Variants in ENTREP1 observed in about 807,000 individuals in gnomAD.
ENTREP1 encodes the protein Friedreich ataxia region gene X123.
chr9:69,351,556 A>G, the ENTREP1 span, among the ~76,000 whole-genome samples: 1 of 152,194 alleles, frequency 6.6e-6, no homozygotes, highest in Non-Finnish European at 1.5e-5. Flanking sequence ...AGCTGGGACT[A>G]CAGACATGCA....
the ENTREP1 span, chr9:69,383,956 T>C: frequency 6.2e-7 from 1 of 1,613,860 alleles, no homozygotes; most frequent in South Asian, 1.1e-5. Flanking sequence ...GGGATCTTCA[T>C]TCCAAATGTC....
At chr9:69,388,469 TC>T in the ENTREP1 span, 1 of 1,555,720 alleles carries the variant, frequency 6.4e-7, no homozygotes, top group Non-Finnish European at 8.7e-7. Context: ...ATTATTAATC[TC>T]AGGCATGAAT....
chr9:69,383,626 C>A, the ENTREP1 span: 1 of 1,614,022 alleles, frequency 6.2e-7, no homozygotes, highest in Non-Finnish European at 8.5e-7. Flanking sequence ...GTCGCTTTTC[C>A]TAGGATGGTT....
the ENTREP1 span, among the ~76,000 whole-genome samples, chr9:69,362,260 A>G: frequency 6.6e-6 from 1 of 152,180 alleles, no homozygotes; most frequent in Non-Finnish European, 1.5e-5. Flanking sequence ...CCAAGCTGTG[A>G]TAGGCATAAT....
At chr9:69,325,040 G>C in the ENTREP1 span, 3 of 985,390 alleles carry the variant, frequency 3.0e-6, no homozygotes, top group Non-Finnish European at 3.6e-6. Context: ...GGCACAGCGC[G>C]AGCACGGAGT....
the ENTREP1 span, among the ~76,000 whole-genome samples, chr9:69,353,130 C>T: frequency 6.6e-6 from 1 of 152,242 alleles, no homozygotes; most frequent in East Asian, 1.9e-4. Flanking sequence ...GAGTGACACC[C>T]TACCTCTAAG....
the ENTREP1 span, among the ~76,000 whole-genome samples, chr9:69,367,981 ATTTC>A: frequency 6.7e-6 from 1 of 150,006 alleles, no homozygotes; most frequent in Non-Finnish European, 1.5e-5. Context: ...TGCCTTCTTG[ATTTC>A]TTTCTCAATT....
the ENTREP1 span, among the ~76,000 whole-genome samples, chr9:69,375,546 T>A: frequency 6.6e-6 from 1 of 152,184 alleles, no homozygotes; most frequent in Admixed American, 6.5e-5. Flanking sequence ...TCCCTTTGTT[T>A]TGTGAAAGCC....
At chr9:69,389,999 G>C in the ENTREP1 span, among the ~76,000 whole-genome samples, 2 of 152,212 alleles carry the variant, frequency 1.3e-5, no homozygotes, top group African/African-American at 4.8e-5. Context: ...ACCAGAAGGA[G>C]GTAAGGACAG....
the ENTREP1 span, among the ~76,000 whole-genome samples, chr9:69,376,239 A>G: frequency 3.9e-5 from 6 of 152,054 alleles, no homozygotes; most frequent in Non-Finnish European, 8.8e-5. Context: ...TAAGTCGCAC[A>G]CTCGTGTGTC....
the ENTREP1 span, chr9:69,383,132 G>T: frequency 1.0e-6 from 1 of 984,852 alleles, no homozygotes; most frequent in South Asian, 4.7e-5. Flanking sequence ...AGACATAATT[G>T]AATTTTCCTG....
the ENTREP1 span, among the ~76,000 whole-genome samples, chr9:69,333,183 C>T: frequency 5.0e-4 from 76 of 151,734 alleles, no homozygotes; most frequent in South Asian, 6.7e-3. Context: ...AATATGTAAA[C>T]GTGCTAGATT....
At chr9:69,382,834 C>G in the ENTREP1 span, 1 of 190,398 alleles carries the variant, frequency 5.3e-6, no homozygotes, top group Non-Finnish European at 9.7e-6. Context: ...TTTTAAAATC[C>G]TTTTTTTGTA....
the ENTREP1 span, among the ~76,000 whole-genome samples, chr9:69,349,971 A>G: frequency 6.6e-6 from 1 of 152,226 alleles, no homozygotes; most frequent in Non-Finnish European, 1.5e-5. Context: ...TATAGGGTGA[A>G]CCATTGTTAA....
chr9:69,380,439 A>G, the ENTREP1 span: 8 of 152,366 alleles, frequency 5.3e-5, no homozygotes, highest in African/African-American at 1.9e-4. Context: ...TTTTCACACA[A>G]CAGAGGCTCC....
the ENTREP1 span, among the ~76,000 whole-genome samples, chr9:69,365,554 AT>A: frequency 6.6e-6 from 1 of 152,116 alleles, no homozygotes; most frequent in South Asian, 2.1e-4. Flanking sequence ...ATTTCAAAAT[AT>A]GCAATATATT....
chr9:69,363,654 C>T, the ENTREP1 span, among the ~76,000 whole-genome samples: 3 of 152,160 alleles, frequency 2.0e-5, no homozygotes, highest in East Asian at 3.9e-4. Context: ...CTTTGAGGGA[C>T]ACAGCCAGCC....
chr9:69,340,326 T>G, the ENTREP1 span, among the ~76,000 whole-genome samples: 1 of 152,206 alleles, frequency 6.6e-6, no homozygotes, highest in Admixed American at 6.5e-5. Context: ...GAGAACCATT[T>G]ACATTTGGGC....
At chr9:69,332,713 C>T in the ENTREP1 span, among the ~76,000 whole-genome samples, 1 of 152,194 alleles carries the variant, frequency 6.6e-6, no homozygotes, top group African/African-American at 2.4e-5. Flanking sequence ...GTTTCAGAGA[C>T]ACCTCATTTG....
Sources: allele counts gnomAD v4.1 joint callset (sites outside exome capture counted in the v4.1 genomes callset), GRCh38; gene constraint gnomAD v4.1.1; transcripts MANE v1.5; gene names NCBI Gene and HGNC (gene_info 2026-07-23, HGNC 2026-07-21).